ZNF726: variants seen among roughly 807,000 people sequenced by gnomAD.
ZNF726 encodes zinc finger protein 726.
In ZNF726, 15 loss-of-function variants were observed where a neutral mutation model predicts 11.6. The observed-to-expected ratio is 1.29, with a 90% CI of 0.86 to 1.99. The LOEUF (loss-of-function observed/expected upper bound fraction) is 1.99, where lower values mean the gene tolerates loss of function less well. Among genes scored for constraint, ZNF726 ranks in the 30% most tolerant of loss-of-function variants. The probability of loss-of-function intolerance (pLI) is 0.00; values close to 1 mark genes in which losing one functional copy is unlikely to be tolerated. For synonymous variants in ZNF726, 295 were observed against 243.6 expected (o/e 1.21, Z -1.96); for missense variants, 890 against 725.6 (o/e 1.23, Z -2.60).
In ZNF726 at chr19:23,933,031, G is replaced by A. The variant is rs1210396532; in HGVS notation, c.915G>A (p.Arg305=). ...CCTCAGCACTAACCATACATAAGAG[G>A]ATGCACATTGGAGAGAAACCCTACA... ...SQPSALTIHK[R]MHIGEKPYKC... The change falls in exon 4 of 4, where the codon AGG becomes AGA. Residue 305 remains arginine (R), a synonymous_variant. Coordinates refer to ENST00000594466, the MANE Select transcript of ZNF726 (RefSeq NM_001244038.2). 5 of 1,612,432 alleles carry A rather than the reference G, an allele frequency of 3.1e-6. No homozygotes were observed. The Admixed American group carries it at 5.0e-5, about 16-fold the overall frequency.
chr19:23,937,099 ACCTC>A (rs1470495443), downstream of ZNF726, among the ~76,000 whole-genome samples: 5 of 118,612 alleles, frequency 4.2e-5, no homozygotes, highest in Admixed American at 7.9e-5. Flanking sequence ...GACCCCCCCC[ACCTC>A]CCTCCCGGCC....
chr19:23,921,870 ACTT>A (rs1212547845), intron 3 of ZNF726, among the ~76,000 whole-genome samples: 9 of 152,326 alleles, frequency 5.9e-5, no homozygotes, highest in African/African-American at 2.2e-4. Flanking sequence ...TGTTTTGACT[ACTT>A]CTTAATTCAC....
At chr19:23,917,524 G>T (rs1967732425) in intron 1 of ZNF726, among the ~76,000 whole-genome samples, 1 of 151,520 alleles carries the variant, frequency 6.6e-6, no homozygotes, top group Admixed American at 6.6e-5. Flanking sequence ...TTCAATTTCA[G>T]CTGTAGACAA....
At chr19:23,937,295 C>T (rs1293300405), downstream of ZNF726, among the ~76,000 whole-genome samples, 1 of 151,898 alleles carries the variant, frequency 6.6e-6, no homozygotes, top group Admixed American at 6.5e-5. Flanking sequence ...GACCCCCCCA[C>T]CTCCCTTCCG....
chr19:23,933,910 T>A lies in ZNF726; in HGVS notation c.1794T>A (p.Cys598Ter). The stretch of plus-strand genomic sequence containing the variant: ...AGAAACCTTACAAGTGTGACGAATG[T>A]GGCAAATCATTTATCTGGTCCTCAA... Reference protein sequence around the residue: ...TGEKPYKCDECGKSFIWSSTL... With the variant: ...TGEKPYKCDE Residue 598 changes from cysteine to a stop codon, truncating the protein, a stop_gained, in exon 4 of 4, where the codon TGT (cysteine) becomes TGA (stop). Coordinates refer to ENST00000594466, the MANE Select transcript of ZNF726 (RefSeq NM_001244038.2). LOFTEE classifies it low-confidence loss of function (END_TRUNC). 1.3e-6 allele frequency: 2 copies of A among 1,587,770 alleles called. No individual in the cohort carries two copies. The highest frequency in any genetic ancestry group is 1.7e-6 in the Non-Finnish European group (2 of 1,166,722).
Position 23,932,991 on chromosome 19 carries a change from A to G in ZNF726, c.875A>G (p.Lys292Arg), listed in dbSNP as rs1968145654. The change falls in exon 4 of 4, where the codon AAA becomes AGA. Residue 292 changes from lysine to arginine, a missense_variant. Coordinates refer to ENST00000594466, the MANE Select transcript of ZNF726 (RefSeq NM_001244038.2). The part of the protein sequence containing the change: ...EKPCKCEECG[K>R]AFSQPSALTI... The stretch of plus-strand genomic sequence containing the variant: ...CCCTGCAAATGTGAAGAATGTGGCA[A>G]AGCATTTAGCCAACCCTCAGCACTA... 1.9e-6 allele frequency: 3 copies of G among 1,612,660 alleles called. No homozygotes were observed. In the Admixed American group the frequency reaches 5.0e-5, roughly 27 times the overall value.
At chr19:23,923,715 A>G (rs549401027) in intron 3 of ZNF726, 1 of 161,008 alleles carries the variant, frequency 6.2e-6, no homozygotes, top group East Asian at 1.9e-4. Flanking sequence ...ATGAATGCAC[A>G]GTTACAGTCA....
intron 1 of ZNF726, among the ~76,000 whole-genome samples, chr19:23,917,436 G>A (rs1967728446): frequency 1.3e-5 from 2 of 151,562 alleles, no homozygotes; most frequent in Non-Finnish European, 2.9e-5. Flanking sequence ...TTATGGCTGA[G>A]TGATTTCATA....
chr19:23,924,497 AAAG>A (rs1197966118), intron 3 of ZNF726, among the ~76,000 whole-genome samples: 3 of 152,128 alleles, frequency 2.0e-5, no homozygotes, highest in Admixed American at 6.5e-5. Context: ...AATTTTTAAA[AAAG>A]ATTCATAATC....
At chr19:23,932,093 TG>T (rs1968118686) in intron 3 of ZNF726, among the ~76,000 whole-genome samples, 1 of 152,324 alleles carries the variant, frequency 6.6e-6, no homozygotes, top group African/African-American at 2.4e-5. Flanking sequence ...TTTTCTTCTA[TG>T]TGGTTTTTTG....
chr19:23,918,619 C>A (rs921571732), intron 1 of ZNF726, among the ~76,000 whole-genome samples: 1 of 152,206 alleles, frequency 6.6e-6, no homozygotes, highest in African/African-American at 2.4e-5. Context: ...GATGTTAATT[C>A]CATAAGCTCT....
In ZNF726 at chr19:23,932,412, T is replaced by C. The variant is rs1343163063; in HGVS notation, c.296T>C (p.Ile99Thr). 1.3e-6 allele frequency: 2 copies of C among 1,549,034 alleles called. No homozygotes were observed. The highest frequency in any genetic ancestry group is 1.7e-6 in the Non-Finnish European group (2 of 1,153,788). ...QGVEDSFQKV[I>T]LRRFEKCGHE... ...GTGGAAGATTCTTTTCAAAAAGTAATACTAAGAAGATTTGAAAAATGTGGA... is the reference window on the plus strand; with the variant it reads ...GTGGAAGATTCTTTTCAAAAAGTAACACTAAGAAGATTTGAAAAATGTGGA... The change falls in exon 4 of 4, where the codon ATA becomes ACA. Residue 99 changes from isoleucine (I) to threonine (T), a missense_variant. By Grantham distance (89) the Ile-to-Thr change is moderately conservative (BLOSUM62 -1). Transcript: ENST00000594466.
rs751116616 is a variant in ZNF726, at chr19:23,932,385, G to T, written c.269G>T (p.Gly90Val). 1.6e-5 allele frequency: 24 copies of T among 1,507,996 alleles called. No individual in the cohort carries two copies. The highest frequency in any genetic ancestry group is 2.1e-5 in the Non-Finnish European group (24 of 1,133,730). The allele number at this position is 1,507,996 out of a possible 1,614,324, so 93.4% of individuals were successfully genotyped here. A position where few individuals can be genotyped will look rare whatever the true frequency, so the allele number is the denominator to read the frequency against. Reference sequence around the variant, plus strand: ...GCTCAAGACATTTGGCCAGAGCAGGGCGTGGAAGATTCTTTTCAAAAAGTA... The same window carrying T: ...GCTCAAGACATTTGGCCAGAGCAGGTCGTGGAAGATTCTTTTCAAAAAGTA... ...HFAQDIWPEQ[G>V]VEDSFQKVIL... Residue 90 changes from glycine to valine, a missense_variant, in exon 4 of 4, where the codon GGC becomes GTC. By Grantham distance (109) the Gly-to-Val change is moderately radical. Coordinates refer to ENST00000594466, the MANE Select transcript of ZNF726 (RefSeq NM_001244038.2).
intron 4 of ZNF726, chr19:23,943,849 A>G (rs1316877908): frequency 3.5e-6 from 1 of 284,094 alleles, no homozygotes; most frequent in Non-Finnish European, 6.5e-6. Context: ...CTTATAAGGT[A>G]CTGCATGATA....
intron 3 of ZNF726, among the ~76,000 whole-genome samples, chr19:23,943,335 T>C (rs990772097): frequency 6.6e-6 from 1 of 152,232 alleles, no homozygotes; most frequent in South Asian, 2.1e-4. Context: ...GACCCAGAAA[T>C]GTAAAATATG....
intron 3 of ZNF726, among the ~76,000 whole-genome samples, chr19:23,939,904 A>G (rs961439585): frequency 9.3e-6 from 1 of 107,408 alleles, no homozygotes; most frequent in Non-Finnish European, 1.8e-5. Flanking sequence ...GTTTGAGTTC[A>G]CTGTAGATTC....
Position 23,934,335 on chromosome 19 carries a change from GT to G in ZNF726, c.*370del, listed in dbSNP as rs1568381461. 1 of 563,960 alleles carries G rather than the reference GT, an allele frequency of 1.8e-6. No individual in the cohort carries two copies. Among genetic ancestry groups the G allele is most frequent in the South Asian group, 1.4e-5 (1 of 69,738 alleles). The allele number at this position is 563,960 out of a possible 1,614,324, so 34.9% of individuals were successfully genotyped here. ...GAGGAATGTGGCAAAGCCTTTAAATGTTCCTCAACTGTTACTGAACATAAAG... is the reference window on the plus strand; with the variant it reads ...GAGGAATGTGGCAAAGCCTTTAAATGTCCTCAACTGTTACTGAACATAAAG... On this transcript the variant is annotated 3_prime_UTR_variant, in exon 4 of 4. Coordinates refer to ENST00000594466, the MANE Select transcript of ZNF726 (RefSeq NM_001244038.2).
At chr19:23,943,725 G>C in intron 4 of ZNF726, 1 of 447,628 alleles carries the variant, frequency 2.2e-6, no homozygotes. Flanking sequence ...TTTTCCTCTA[G>C]CTCTGAAGTA....
chr19:23,934,083 C>A lies in ZNF726; in HGVS notation c.*116C>A. 7.6e-7 allele frequency: 1 copy of A among 1,307,618 alleles called. No homozygotes were observed. Among genetic ancestry groups the A allele is most frequent in the Non-Finnish European group, 1.1e-6 (1 of 912,076 alleles). 81.0% of individuals were successfully genotyped at this position (1,307,618 alleles called of 1,614,324 possible). A position where few individuals can be genotyped will look rare whatever the true frequency, so the allele number is the denominator to read the frequency against. ...TACAAATGTGAAGAATGTGAAAAAG[C>A]TTTTAATCCTCAAATCTTACTAAAC... On this transcript the variant is annotated 3_prime_UTR_variant, in exon 4 of 4. Coordinates refer to ENST00000594466, the MANE Select transcript of ZNF726 (RefSeq NM_001244038.2).
Sources: gnomAD v4.1 joint callset for allele counts (sites outside exome capture counted in the v4.1 genomes callset) on GRCh38, gnomAD v4.1.1 for gene constraint, MANE v1.5 for transcripts, NCBI Gene and HGNC (gene_info 2026-07-23, HGNC 2026-07-21) for gene names.